Variants in ABHD3 observed in about 807,000 individuals in gnomAD.
ABHD3 encodes the protein phospholipase ABHD3.
Under a neutral mutation model 48.8 loss-of-function variants are expected in ABHD3, and 46 were observed. The observed-to-expected ratio is 0.94, with a 90% confidence interval of 0.74 to 1.20. The LOEUF (loss-of-function observed/expected upper bound fraction) is 1.20. ABHD3 is among the 50% of genes most tolerant of loss of function. The pLI is 0.00. For synonymous variants in ABHD3, 192 were observed against 183.7 expected (o/e 1.04, Z -0.36); for missense variants, 490 against 497.8 (o/e 0.98, Z 0.15).
At chr18:21,703,787 A>T in intron 1 of ABHD3, 40 bp from the exon 2 acceptor site, 1 of 1,587,910 alleles carries the variant, frequency 6.3e-7, no homozygotes, top group South Asian at 1.1e-5. Flanking sequence ...CCCAGAGCAA[A>T]GTTTCTGCCA....
intron 3 of ABHD3, among the ~76,000 whole-genome samples, chr18:21,696,373 T>C (rs1318066698): frequency 6.6e-6 from 1 of 152,110 alleles, no homozygotes; most frequent in Non-Finnish European, 1.5e-5. Context: ...ATGGTCTCAC[T>C]CTCCTAACCT....
At chr18:21,656,836 A>G in intron 8 of ABHD3, 25 bp downstream of exon 8, 6 of 1,540,332 alleles carry the variant, frequency 3.9e-6, no homozygotes, top group Non-Finnish European at 5.3e-6. Flanking sequence ...TCATGTCAAA[A>G]TATATACAAA....
intron 3 of ABHD3, chr18:21,701,925 T>G (rs553298910): frequency 6.5e-6 from 1 of 154,428 alleles, no homozygotes; most frequent in African/African-American, 2.4e-5. Context: ...GCGACAAGAT[T>G]AGTGAATCCA....
At chr18:21,668,217 A>AAAAAAAG (rs1370034550) in intron 4 of ABHD3, among the ~76,000 whole-genome samples, 12,596 of 134,216 alleles carry the variant, frequency 0.094, 829 homozygotes, top group Non-Finnish European at 0.14. Flanking sequence ...AAAAAAAAAA[A>AAAAAAAG]AAAGAAAGAA....
intron 8 of ABHD3, 34 bp downstream of exon 8, chr18:21,656,827 C>A: frequency 6.6e-7 from 1 of 1,510,758 alleles, no homozygotes; most frequent in South Asian, 1.3e-5. Context: ...AAAGTTGATT[C>A]ATGTCAAAAT....
chr18:21,694,327 C>T (rs1188304954), intron 3 of ABHD3, among the ~76,000 whole-genome samples: 1 of 152,132 alleles, frequency 6.6e-6, no homozygotes, highest in Non-Finnish European at 1.5e-5. Context: ...GAACTCCTGA[C>T]GTCAAGCGAT....
At chr18:21,691,328 T>C (rs2146328002) in intron 3 of ABHD3, among the ~76,000 whole-genome samples, 1 of 152,328 alleles carries the variant, frequency 6.6e-6, no homozygotes. Flanking sequence ...AACTATATTT[T>C]AAAATGCTTC....
At chr18:21,684,015 C>T in intron 3 of ABHD3, 50 bp from the exon 4 acceptor site, 1 of 1,517,410 alleles carries the variant, frequency 6.6e-7, no homozygotes, top group Non-Finnish European at 9.0e-7. Flanking sequence ...GATTCTTGCT[C>T]ATGATATAAT....
At position 21,666,899 on chromosome 18, in the gene ABHD3, G is replaced by A. The variant is rs536853015; in HGVS notation, c.556-2669C>T. ...GTGTGTCAGAATTAAGTATATGTGC[G>A]AAAAAATAACCAGAAATTTAATAAC... On this transcript the variant is annotated intron_variant, in intron 4 of 8. Coordinates refer to ENST00000289119, the MANE Select transcript of ABHD3 (RefSeq NM_138340.5). Among the ~76,000 whole-genome samples the A allele has an allele frequency of 5.3e-5, 8 of 151,960 alleles. No homozygotes were observed. In the East Asian group the frequency reaches 5.8e-4, roughly 11 times the overall value.
At chr18:21,698,789 C>T (rs1279821346) in intron 3 of ABHD3, among the ~76,000 whole-genome samples, 3 of 151,344 alleles carry the variant, frequency 2.0e-5, no homozygotes, top group Non-Finnish European at 4.4e-5. Context: ...CCATGTGGGC[C>T]AGGCTGGTCT....
chr18:21,677,202 CTTTTT>C (rs1366762712), intron 4 of ABHD3, among the ~76,000 whole-genome samples: 3 of 148,348 alleles, frequency 2.0e-5, no homozygotes, highest in Admixed American at 6.7e-5. Flanking sequence ...ACTTCATTCC[CTTTTT>C]TTTTTGAGAC....
intron 3 of ABHD3, among the ~76,000 whole-genome samples, chr18:21,685,003 T>G (rs1032595236): frequency 1.3e-5 from 2 of 152,236 alleles, no homozygotes; most frequent in Admixed American, 1.3e-4. Flanking sequence ...GTAGTTGTAG[T>G]GTCGTGCTGG....
chr18:21,687,596 A>T (rs2040156716), intron 3 of ABHD3, among the ~76,000 whole-genome samples: 1 of 152,206 alleles, frequency 6.6e-6, no homozygotes, highest in African/African-American at 2.4e-5. Context: ...ATATGAGGGA[A>T]ATTGTTCTGC....
At chr18:21,685,899 T>C (rs552637718) in intron 3 of ABHD3, among the ~76,000 whole-genome samples, 1 of 152,362 alleles carries the variant, frequency 6.6e-6, no homozygotes, top group East Asian at 1.9e-4. Flanking sequence ...GGTTTCCCCA[T>C]GTTAGTCAGA....
chr18:21,704,641 G>A lies in ABHD3; in HGVS notation c.25C>T (p.Arg9Trp), dbSNP rs759007486. Residue 9 changes from arginine (R) to tryptophan (W), a missense_variant, in exon 1 of 9, where the codon CGG becomes TGG. Transcript: ENST00000289119. MQRLAMDL[R>W]MLSRELSLYL... ...AGGGAGAGCTCCCGGGACAACATCC[G>A]CAGGTCCATGGCCAGGCGCTGCATG... 6.5e-7 allele frequency: 1 copy of A among 1,542,034 alleles called. No individual in the cohort carries two copies. The highest frequency in any genetic ancestry group is 1.2e-5 in the South Asian group (1 of 82,990).
rs1277873160 is a variant in ABHD3 at position 21,659,244 on chromosome 18, C to T, written c.768G>A (p.Glu256=). ...SVGWNTFACS[E]SLEKPLNWLL... is the part of the protein sequence containing the mutation. ...GCCAGTTCAGTGGTTTTTCCAATGACTCTGAGCAAGCGAAGGTGTTCCAAC... is the reference window on the plus strand; with the variant it reads ...GCCAGTTCAGTGGTTTTTCCAATGATTCTGAGCAAGCGAAGGTGTTCCAAC... The change falls in exon 6 of 9, where the codon GAG becomes GAA. Residue 256 remains glutamate (E), a synonymous_variant. Transcript: ENST00000289119. 22 of 1,613,900 alleles carry T rather than the reference C, an allele frequency of 1.4e-5. No homozygotes were observed. The highest frequency in any genetic ancestry group is 1.6e-5 in the Non-Finnish European group (19 of 1,179,906).
At chr18:21,674,809 C>A (rs1366957058) in intron 4 of ABHD3, among the ~76,000 whole-genome samples, 5 of 152,098 alleles carry the variant, frequency 3.3e-5, no homozygotes, top group African/African-American at 1.2e-4. Flanking sequence ...AAGTTTGAAA[C>A]TGAATTGTGC....
intron 4 of ABHD3, chr18:21,673,521 C>G (rs1266405223): frequency 6.6e-6 from 1 of 152,190 alleles, no homozygotes; most frequent in Non-Finnish European, 1.5e-5. Context: ...CTGGAACTTC[C>G]GACCTCAGGT....
rs1434362053 is a variant in ABHD3 at position 21,683,982 on chromosome 18, C to T, written c.510-17G>A. 1 of 1,590,018 alleles carries T rather than the reference C, an allele frequency of 6.3e-7. No homozygotes were observed. The highest frequency in any genetic ancestry group is 8.6e-7 in the Non-Finnish European group (1 of 1,166,946). ...ACCACACATCTAAAAACCAGGAAAG[C>T]AATTTTTGTTATTTTTACACATGAT... is the stretch of plus-strand genomic sequence containing the variant. On this transcript the variant is annotated splice_polypyrimidine_tract_variant and intron_variant, in intron 3 of 8. Transcript: ENST00000289119.
Sources: gnomAD v4.1 joint callset for allele counts (sites outside exome capture counted in the v4.1 genomes callset) on GRCh38, gnomAD v4.1.1 for gene constraint, MANE v1.5 for transcripts, NCBI Gene and HGNC (gene_info 2026-07-23, HGNC 2026-07-21) for gene names.